ATP2B2: variants seen among roughly 807,000 people sequenced by gnomAD.
The protein encoded by ATP2B2 is plasma membrane calcium-transporting ATPase 2.
A neutral mutation model predicts 120.0 loss-of-function variants in ATP2B2; 15 were observed. The observed-to-expected ratio is 0.12, with a 90% CI of 0.08 to 0.19. The LOEUF (loss-of-function observed/expected upper bound fraction) is 0.19, where lower values mean the gene tolerates loss of function less well. Ranked by LOEUF, ATP2B2 falls within the 10% of genes least tolerant of loss-of-function variation. The pLI, the probability that ATP2B2 is intolerant of heterozygous loss-of-function variation, is 1.00. For missense variants in ATP2B2, 1,045 were observed against 1,719.8 expected (o/e 0.61, Z 6.94); for synonymous variants, 694 against 700.3 (o/e 0.99, Z 0.14).
rs909237956 is a variant in ATP2B2 at position 10,408,651 on chromosome 3, T to G, written c.397+1967A>C. Among the ~76,000 whole-genome samples, 3 of 152,224 alleles carry G rather than the reference T, an allele frequency of 2.0e-5. 1 individual carries two copies. In the South Asian group the frequency reaches 6.2e-4, roughly 32 times the overall value. ...TGCCCTACAGTCTAACGTAGCTTTG[T>G]GACCGCAGGCAAGTCCTTCCCCTCT... On this transcript the variant is annotated intron_variant, in intron 3 of 22. Transcript: ENST00000360273.
chr3:10,496,380 C>T (rs1437640075), intron 1 of ATP2B2, among the ~76,000 whole-genome samples: 1 of 152,160 alleles, frequency 6.6e-6, no homozygotes, highest in Non-Finnish European at 1.5e-5. Context: ...AGCTCCTGCC[C>T]GGGCAATTGC....
At chr3:10,521,128 C>T (rs986514461) in intron 3 of ATP2B2, among the ~76,000 whole-genome samples, 5 of 152,216 alleles carry the variant, frequency 3.3e-5, no homozygotes, top group East Asian at 1.9e-4. Context: ...TTCAGACTTC[C>T]GGGGCACACA....
chr3:10,415,074 A>T (rs2062735708), intron 2 of ATP2B2, among the ~76,000 whole-genome samples: 1 of 152,158 alleles, frequency 6.6e-6, no homozygotes, highest in Admixed American at 6.5e-5. Context: ...GAGGAAACCA[A>T]GCCCCAAGAA....
At chr3:10,560,076 T>C (rs927785030) in intron 2 of ATP2B2, among the ~76,000 whole-genome samples, 1 of 152,204 alleles carries the variant, frequency 6.6e-6, no homozygotes, top group Non-Finnish European at 1.5e-5. Context: ...CCAGACCCTT[T>C]CAAATCTAGC....
intron 11 of ATP2B2, among the ~76,000 whole-genome samples, chr3:10,373,278 C>T (rs2061292433): frequency 6.6e-6 from 1 of 152,198 alleles, no homozygotes; most frequent in South Asian, 2.1e-4. Flanking sequence ...AGTGACCTGA[C>T]CAGGATCACA....
At chr3:10,591,291 G>A (rs2068637548) in intron 2 of ATP2B2, among the ~76,000 whole-genome samples, 1 of 152,102 alleles carries the variant, frequency 6.6e-6, no homozygotes, top group African/African-American at 2.4e-5. Context: ...CGCACTCTGT[G>A]GGCCTCCTCA....
intron 1 of ATP2B2, among the ~76,000 whole-genome samples, chr3:10,473,314 T>C (rs1015558192): frequency 2.0e-5 from 3 of 152,228 alleles, no homozygotes; most frequent in Non-Finnish European, 4.4e-5. Flanking sequence ...CTTGCTTCTG[T>C]TAGGGAAGAC....
rs201490012 is a variant in ATP2B2, at chr3:10,449,401, T to C, written c.143A>G (p.Glu48Gly). ...GATGGCTTCGGTGTCCCCATAAGTC[T>C]CCTTGATCTTGACCACAGCCTCAGT... is the stretch of plus-strand genomic sequence containing the variant. The part of the protein sequence containing the change: ...RGTEAVVKIK[E>G]TYGDTEAICR... Residue 48 changes from glutamate (E) to glycine (G), a missense_variant, in exon 2 of 23, where the codon GAG (glutamate) becomes GGG (glycine). This residue lies in a region of ATP2B2 where 139 missense variants were observed against 134.2 expected (regional missense o/e 1.04). Coordinates refer to ENST00000360273, the MANE Select transcript of ATP2B2 (RefSeq NM_001001331.4). The C allele has an allele frequency of 4.3e-6, 7 of 1,614,238 alleles. No individual in the cohort carries two copies. The highest frequency in any genetic ancestry group is 5.1e-6 in the Non-Finnish European group (6 of 1,180,038).
chr3:10,350,603 G>A lies in ATP2B2; in HGVS notation c.2137-26C>T, dbSNP rs763613399. 7 of 1,605,856 alleles carry A rather than the reference G, an allele frequency of 4.4e-6. No homozygotes were observed. The South Asian group carries it at 6.6e-5, about 15-fold the overall frequency. On this transcript the variant is annotated intron_variant, in intron 14 of 22. Coordinates refer to ENST00000360273, the MANE Select transcript of ATP2B2 (RefSeq NM_001001331.4). ...CTGGGCAGGAGGGCAGGGGCCATGG[G>A]GGAGGGCACCACCTCAGGCAGACTC... is the stretch of plus-strand genomic sequence containing the variant.
chr3:10,484,164 C>G (rs1312734094), intron 1 of ATP2B2, among the ~76,000 whole-genome samples: 2 of 152,150 alleles, frequency 1.3e-5, no homozygotes, highest in South Asian at 4.2e-4. Flanking sequence ...TCCCAAGGTC[C>G]CTGGGGATGA....
At chr3:10,637,420 A>C (rs922642497) in intron 1 of ATP2B2, among the ~76,000 whole-genome samples, 1 of 152,226 alleles carries the variant, frequency 6.6e-6, no homozygotes, top group Non-Finnish European at 1.5e-5. Flanking sequence ...TATATTCCAC[A>C]TGTTCAAAAA....
At chr3:10,614,652 G>A (rs1416343612) in intron 2 of ATP2B2, among the ~76,000 whole-genome samples, 1 of 152,198 alleles carries the variant, frequency 6.6e-6, no homozygotes, top group African/African-American at 2.4e-5. Flanking sequence ...CCTCAGTTTT[G>A]TTGTCTGTAG....
chr3:10,351,955 G>C (rs1574984735), intron 14 of ATP2B2, among the ~76,000 whole-genome samples: 1 of 152,226 alleles, frequency 6.6e-6, no homozygotes, highest in Non-Finnish European at 1.5e-5. Flanking sequence ...CTTCAGGACT[G>C]TGAGACAGCA....
intron 6 of ATP2B2, among the ~76,000 whole-genome samples, chr3:10,386,741 G>A (rs2061692389): frequency 6.6e-6 from 1 of 152,168 alleles, no homozygotes; most frequent in Non-Finnish European, 1.5e-5. Context: ...ATGGTGGCCT[G>A]AGATGCTGGA....
chr3:10,512,489 C>CACACACAGACACACACACACACACAG, intron 3 of ATP2B2, among the ~76,000 whole-genome samples: 1 of 151,756 alleles, frequency 6.6e-6, no homozygotes, highest in African/African-American at 2.4e-5. Context: ...CACACACACA[C>CACACACAGACACACACACACACACAG]ACACACACAC....
chr3:10,342,505 C>T lies in ATP2B2; in HGVS notation c.2917+247G>A, dbSNP rs1392849054. On this transcript the variant is annotated intron_variant, in intron 19 of 22. Transcript: ENST00000360273. This position sits in a 1 kb window ranked among gnomAD's most constrained non-coding sequence, Gnocchi z 4.4. The stretch of plus-strand genomic sequence containing the variant: ...GGCCTTGCACGGTCTGTACTTGTTG[C>T]CAGGAGCTGTCACCAGTGGAGAAAG... Among the ~76,000 whole-genome samples, 4 of 152,166 alleles carry T rather than the reference C, an allele frequency of 2.6e-5. No homozygotes were observed. The highest frequency in any genetic ancestry group is 4.4e-5 in the Non-Finnish European group (3 of 68,024).
intron 1 of ATP2B2, among the ~76,000 whole-genome samples, chr3:10,683,747 TA>T (rs554617443): frequency 0.057 from 2,066 of 36,228 alleles, 71 homozygotes; most frequent in South Asian, 0.26. Context: ...TGTGTATATA[TA>T]TGTGTGTGTG....
At chr3:10,689,307 G>A (rs752085036) in intron 1 of ATP2B2, among the ~76,000 whole-genome samples, 1 of 152,138 alleles carries the variant, frequency 6.6e-6, no homozygotes, top group African/African-American at 2.4e-5. Flanking sequence ...GCTTGCCTTT[G>A]CTGCTCTGGG....
At chr3:10,483,230 T>A (rs2065485649) in intron 1 of ATP2B2, among the ~76,000 whole-genome samples, 2 of 152,346 alleles carry the variant, frequency 1.3e-5, no homozygotes, top group African/African-American at 4.8e-5. Flanking sequence ...GTAGGATAGG[T>A]GTGACAGTCC....
Sources: allele counts gnomAD v4.1 joint callset (sites outside exome capture counted in the v4.1 genomes callset), GRCh38; gene constraint gnomAD v4.1.1; regional missense constraint gnomAD v4.1.1; non-coding constraint Gnocchi (gnomAD v3.1); transcripts MANE v1.5; gene names NCBI Gene and HGNC (gene_info 2026-07-23, HGNC 2026-07-21).